CCSER1: variants seen among roughly 807,000 people sequenced by gnomAD.
CCSER1 encodes serine-rich coiled-coil domain-containing protein 1.
A neutral mutation model predicts 82.0 loss-of-function variants in CCSER1; 41 were observed. The ratio of observed to expected loss-of-function variants is 0.50; its 90% CI spans 0.39 to 0.65. The LOEUF (loss-of-function observed/expected upper bound fraction) is 0.65, where lower values mean the gene tolerates loss of function less well. Ranked by LOEUF, CCSER1 falls within the 30% of genes least tolerant of loss-of-function variation. The probability of loss-of-function intolerance (pLI) is 0.00; values close to 1 mark genes in which losing one functional copy is unlikely to be tolerated. For missense variants in CCSER1, 1,119 were observed against 1,064.2 expected (o/e 1.05, Z -0.72); for synonymous variants, 414 against 383.9 (o/e 1.08, Z -0.92).
intron 4 of CCSER1, among the ~76,000 whole-genome samples, chr4:90,412,754 C>T (rs1230838527): frequency 6.6e-6 from 1 of 152,036 alleles, no homozygotes; most frequent in Non-Finnish European, 1.5e-5. Flanking sequence ...AAGGGACATA[C>T]CTTAAGGTAA....
chr4:91,026,944 T>A (rs568873725), intron 9 of CCSER1, among the ~76,000 whole-genome samples: 1 of 152,170 alleles, frequency 6.6e-6, no homozygotes, highest in Non-Finnish European at 1.5e-5. Context: ...ATTACAGTTT[T>A]AAATTCAATG....
At chr4:91,103,324 A>T (rs774184705) in intron 10 of CCSER1, among the ~76,000 whole-genome samples, 2 of 152,084 alleles carry the variant, frequency 1.3e-5, no homozygotes, top group African/African-American at 2.4e-5. Context: ...ATTGTCCTTT[A>T]ATCATACCAA....
In CCSER1 at chr4:91,247,244, G is replaced by T. The variant is rs528407812; in HGVS notation, c.2217+161250G>T. On this transcript the variant is annotated intron_variant, in intron 10 of 10. Transcript: ENST00000509176. ...ATGAACCCGGGAGGCGGAGCTTGCAGTGAGCCGAGATTGTGCCACTGCACT... is the reference window on the plus strand; with the variant it reads ...ATGAACCCGGGAGGCGGAGCTTGCATTGAGCCGAGATTGTGCCACTGCACT... 4.8e-4 allele frequency among the ~76,000 whole-genome samples: 72 copies of T among 151,196 alleles called. No homozygotes were observed. In the East Asian group the frequency reaches 0.011, roughly 22 times the overall value.
At position 90,652,108 on chromosome 4, in the gene CCSER1, C is replaced by G. The variant is rs577282549; in HGVS notation, c.1932+23876C>G. 3.9e-5 allele frequency among the ~76,000 whole-genome samples: 6 copies of G among 152,246 alleles called. No individual in the cohort carries two copies. The East Asian group carries it at 1.2e-3, about 29-fold the overall frequency. On this transcript the variant is annotated intron_variant, in intron 6 of 10. Transcript: ENST00000509176. ...TTATTGAGTAAAATATCAGACCCCT[C>G]ACAGTTATTTTCAAATTTAATATGC...
At chr4:90,838,778 G>C in intron 8 of CCSER1, 2 of 1,248,916 alleles carry the variant, frequency 1.6e-6, no homozygotes, top group Non-Finnish European at 2.3e-6. Context: ...ATGTGAAAGG[G>C]GCAGCACAGT....
intron 7 of CCSER1, among the ~76,000 whole-genome samples, chr4:90,814,315 G>A (rs973301762): frequency 1.3e-5 from 2 of 152,180 alleles, no homozygotes; most frequent in Non-Finnish European, 2.9e-5. Flanking sequence ...TGCTTCCCTT[G>A]TTGGGAGAGG....
intron 8 of CCSER1, among the ~76,000 whole-genome samples, chr4:90,841,354 A>T: frequency 6.6e-6 from 1 of 152,158 alleles, no homozygotes; most frequent in South Asian, 2.1e-4. Context: ...CGAGGCGGGT[A>T]GATCACGAGG....
chr4:90,721,320 A>G (rs2149365265), intron 6 of CCSER1, among the ~76,000 whole-genome samples: 1 of 152,078 alleles, frequency 6.6e-6, no homozygotes, highest in East Asian at 1.9e-4. Flanking sequence ...AACACTTGTT[A>G]GAATAGGCTT....
At chr4:90,780,333 A>G (rs1753598758) in intron 7 of CCSER1, 1 of 1,170,074 alleles carries the variant, frequency 8.5e-7, no homozygotes, top group Admixed American at 2.2e-5. Context: ...TCCCATCTAA[A>G]TTATCTTTAA....
chr4:91,411,489 TAC>T (rs1262735574), intron 10 of CCSER1, among the ~76,000 whole-genome samples: 2,946 of 52,644 alleles, frequency 0.056, 196 homozygotes, highest in African/African-American at 0.18. Flanking sequence ...TCTGCATATA[TAC>T]ATATATATAT....
intron 9 of CCSER1, among the ~76,000 whole-genome samples, chr4:91,075,967 C>T (rs981884700): frequency 6.6e-6 from 1 of 152,100 alleles, no homozygotes; most frequent in African/African-American, 2.4e-5. Flanking sequence ...CACATTCAAG[C>T]CACCTGACCT....
intron 2 of CCSER1, among the ~76,000 whole-genome samples, chr4:90,311,191 C>G (rs1163291574): frequency 6.6e-6 from 1 of 151,956 alleles, no homozygotes; most frequent in Non-Finnish European, 1.5e-5. Flanking sequence ...AAATGATGGA[C>G]TTGATATTGA....
chr4:90,613,729 G>A (rs971187389), intron 5 of CCSER1, among the ~76,000 whole-genome samples: 9 of 152,228 alleles, frequency 5.9e-5, no homozygotes, highest in Admixed American at 4.6e-4. Flanking sequence ...GGAGTTTCTC[G>A]AAGGAACATA....
At chr4:90,963,372 G>A (rs1316611157) in intron 9 of CCSER1, among the ~76,000 whole-genome samples, 2 of 151,976 alleles carry the variant, frequency 1.3e-5, no homozygotes, top group Non-Finnish European at 2.9e-5. Context: ...ATGCAAATAT[G>A]GAGATATATA....
intron 10 of CCSER1, among the ~76,000 whole-genome samples, chr4:91,271,869 CT>C (rs1390566658): frequency 2.6e-5 from 4 of 152,116 alleles, no homozygotes; most frequent in African/African-American, 9.7e-5. Flanking sequence ...ATTCTCCTGC[CT>C]CATCCTCCCG....
chr4:91,548,952 T>C lies in CCSER1; in HGVS notation c.2218-49620T>C, dbSNP rs183272239. Among the ~76,000 whole-genome samples, 414 of 152,270 alleles carry C rather than the reference T, an allele frequency of 2.7e-3. 3 individuals are homozygous for C. The highest frequency in any genetic ancestry group is 9.3e-3 in the African/African-American group (385 of 41,568). On this transcript the variant is annotated intron_variant, in intron 10 of 10. Coordinates refer to ENST00000509176, the MANE Select transcript of CCSER1 (RefSeq NM_001145065.2). ...TTATTCCTTAAAATATTGCTTCTGTTTTTTTCTCTCATGCTTCTCCTTCTG... is the reference window on the plus strand; with the variant it reads ...TTATTCCTTAAAATATTGCTTCTGTCTTTTTCTCTCATGCTTCTCCTTCTG...
At chr4:90,460,531 T>G (rs541753592) in intron 4 of CCSER1, among the ~76,000 whole-genome samples, 29 of 152,160 alleles carry the variant, frequency 1.9e-4, no homozygotes, top group African/African-American at 6.7e-4. Context: ...ATTTTCACTT[T>G]ATAGTTTTGT....
chr4:91,440,402 G>T (rs557621605), intron 10 of CCSER1, among the ~76,000 whole-genome samples: 1 of 152,298 alleles, frequency 6.6e-6, no homozygotes, highest in African/African-American at 2.4e-5. Flanking sequence ...AAATAAAGAT[G>T]TTCTTTGAAA....
rs189717134 is a variant in CCSER1, at chr4:91,338,043, C to T, written c.2217+252049C>T. ...TTCTTATAAAATCCCTTGAGAATAG[C>T]CCTGATCAGATTCAGGATTACTTAT... On this transcript the variant is annotated intron_variant, in intron 10 of 10. Transcript: ENST00000509176. 2.6e-4 allele frequency among the ~76,000 whole-genome samples: 39 copies of T among 152,198 alleles called. 1 individual carries two copies. Among genetic ancestry groups the T allele is most frequent in the African/African-American group, 8.4e-4 (35 of 41,546 alleles).
Sources: gnomAD v4.1 joint callset for allele counts (sites outside exome capture counted in the v4.1 genomes callset) on GRCh38, gnomAD v4.1.1 for gene constraint, MANE v1.5 for transcripts, NCBI Gene and HGNC (gene_info 2026-07-23, HGNC 2026-07-21) for gene names.